Variants in ATF7IP observed in about 807,000 individuals in gnomAD.
The protein encoded by ATF7IP is activating transcription factor 7-interacting protein 1.
ATF7IP carries 23 observed loss-of-function variants against 106.4 expected under a neutral mutation model. The observed-to-expected ratio is 0.22, with a 90% confidence interval of 0.16 to 0.31. The LOEUF is 0.31. Ranked by LOEUF, ATF7IP falls within the 10% of genes least tolerant of loss-of-function variation. ATF7IP has a pLI of 1.00. For synonymous variants in ATF7IP, 542 were observed against 539.0 expected (o/e 1.01, Z -0.08); for missense variants, 1,334 against 1,524.3 (o/e 0.88, Z 2.08).
chr12:14,403,772 C>T (rs1940395885), intron 1 of ATF7IP, among the ~76,000 whole-genome samples: 1 of 152,196 alleles, frequency 6.6e-6, no homozygotes, highest in Non-Finnish European at 1.5e-5. Flanking sequence ...GCTTCTCTCT[C>T]TCCACCTCCT....
chr12:14,459,378 C>T (rs1165471061), intron 8 of ATF7IP, among the ~76,000 whole-genome samples: 2 of 152,154 alleles, frequency 1.3e-5, no homozygotes, highest in Non-Finnish European at 2.9e-5. Flanking sequence ...AACCCCTATT[C>T]AAAGGTTGAG....
chr12:14,403,008 A>T (rs1404703099), intron 1 of ATF7IP, among the ~76,000 whole-genome samples: 4 of 152,148 alleles, frequency 2.6e-5, no homozygotes, highest in Non-Finnish European at 4.4e-5. Context: ...TTTGTGTTTA[A>T]GAGAAATGTC....
chr12:14,490,721 G>A lies in ATF7IP; in HGVS notation c.3281-5510G>A, dbSNP rs575912610. On this transcript the variant is annotated intron_variant, in intron 13 of 14. Coordinates refer to ENST00000261168, the MANE Select transcript of ATF7IP (RefSeq NM_018179.5). ...ATTGGTGCAGGCTGGGGAAGACAAG[G>A]CAGGGTGTCAGAGGGGAGACACGGG... is the stretch of plus-strand genomic sequence containing the variant. Among the ~76,000 whole-genome samples, 12 of 152,264 alleles carry A rather than the reference G, an allele frequency of 7.9e-5. No homozygotes were observed. In the South Asian group the frequency reaches 2.5e-3, roughly 32 times the overall value.
chr12:14,416,101 G>A (rs1457625674), intron 1 of ATF7IP, among the ~76,000 whole-genome samples: 1 of 152,044 alleles, frequency 6.6e-6, no homozygotes, highest in African/African-American at 2.4e-5. Flanking sequence ...CATCTTTTGT[G>A]CAACCCACTA....
rs71530944 is a variant in ATF7IP, at chr12:14,460,697, A to G, written c.2361A>G (p.Val787=). The change falls in exon 9 of 15, where the codon GTA becomes GTG. Residue 787 remains valine, a synonymous_variant. Coordinates refer to ENST00000261168, the MANE Select transcript of ATF7IP (RefSeq NM_018179.5). ...AGCCTTTGCCAGTGATTTTGCATGT[A>G]CCTGTTGCAGTATCCTCCCAGCCTC... is the stretch of plus-strand genomic sequence containing the variant. ...SLQPLPVILH[V]PVAVSSQPQL... The G allele has an allele frequency of 1.5e-3, 2,421 of 1,614,166 alleles. 4 individuals carry two copies. Among genetic ancestry groups the G allele is most frequent in the Non-Finnish European group, 1.8e-3 (2,100 of 1,180,018 alleles).
At position 14,482,987 on chromosome 12, in the gene ATF7IP, G is replaced by A. The variant is rs114374885; in HGVS notation, c.3280+1802G>A. ...CTTATGTTACGTGATGAAGGAAAAG[G>A]AAATAAAGATATTTTCTTGTACAAG... On this transcript the variant is annotated intron_variant, in intron 13 of 14. Coordinates refer to ENST00000261168, the MANE Select transcript of ATF7IP (RefSeq NM_018179.5). Among the ~76,000 whole-genome samples the A allele has an allele frequency of 4.2e-3, 635 of 152,286 alleles. 6 individuals are homozygous for A. Among genetic ancestry groups the A allele is most frequent in the African/African-American group, 0.015 (611 of 41,566 alleles).
intron 2 of ATF7IP, among the ~76,000 whole-genome samples, chr12:14,427,414 GT>G (rs1941912551): frequency 6.6e-6 from 1 of 151,696 alleles, no homozygotes; most frequent in Admixed American, 6.6e-5. Context: ...CCCGGCTGGA[GT>G]GCAGTGGCAC....
intron 10 of ATF7IP, among the ~76,000 whole-genome samples, chr12:14,474,487 G>A (rs1214662230): frequency 4.7e-5 from 7 of 150,394 alleles, no homozygotes; most frequent in South Asian, 2.1e-4. Context: ...TGCAACGTCC[G>A]CCTCCCAGGT....
chr12:14,423,372 C>T (rs1265184596), intron 1 of ATF7IP, among the ~76,000 whole-genome samples: 1 of 151,602 alleles, frequency 6.6e-6, no homozygotes, highest in Non-Finnish European at 1.5e-5. Context: ...ATATTTTCTC[C>T]CATTGTTGTG....
At chr12:14,460,074 T>C (rs771160045) in intron 8 of ATF7IP, among the ~76,000 whole-genome samples, 39 of 152,232 alleles carry the variant, frequency 2.6e-4, no homozygotes, top group Admixed American at 1.3e-3. Flanking sequence ...TGACTCTTTT[T>C]AGATTTACTA....
chr12:14,428,946 T>C (rs1162721113), intron 2 of ATF7IP, among the ~76,000 whole-genome samples: 2 of 152,206 alleles, frequency 1.3e-5, no homozygotes, highest in East Asian at 3.8e-4. Flanking sequence ...ATTATTAAAA[T>C]GATAATCTGT....
intron 1 of ATF7IP, among the ~76,000 whole-genome samples, chr12:14,402,044 A>G (rs17402538): frequency 0.02 from 3,068 of 151,328 alleles, 34 homozygotes; most frequent in Middle Eastern, 0.031. Context: ...GTCATGCTAC[A>G]AAATATCTAG....
intron 1 of ATF7IP, among the ~76,000 whole-genome samples, chr12:14,417,643 G>C (rs1158938181): frequency 6.6e-6 from 1 of 152,068 alleles, no homozygotes; most frequent in East Asian, 1.9e-4. Context: ...TTATATTAAT[G>C]TATATTTCTT....
At chr12:14,375,523 A>G (rs1047243492) in intron 1 of ATF7IP, among the ~76,000 whole-genome samples, 3 of 152,182 alleles carry the variant, frequency 2.0e-5, no homozygotes, top group Non-Finnish European at 4.4e-5. Flanking sequence ...TGATTTAAAC[A>G]TTGAAAGATA....
At chr12:14,456,722 G>C in intron 7 of ATF7IP, 88 bp downstream of exon 7, 3 of 934,412 alleles carry the variant, frequency 3.2e-6, no homozygotes, top group Admixed American at 2.1e-5. Context: ...GTGTAATCAT[G>C]GTATTTATGT....
intron 11 of ATF7IP, among the ~76,000 whole-genome samples, chr12:14,477,446 G>A (rs1944297975): frequency 6.6e-6 from 1 of 152,052 alleles, no homozygotes; most frequent in Admixed American, 6.5e-5. Flanking sequence ...CTATTATAAT[G>A]GATCCCTAAA....
chr12:14,372,361 T>C (rs1276518644), intron 1 of ATF7IP, among the ~76,000 whole-genome samples: 1 of 151,846 alleles, frequency 6.6e-6, no homozygotes, highest in African/African-American at 2.4e-5. Flanking sequence ...TCAGGGCTAC[T>C]AGTGCTTGTT....
intron 6 of ATF7IP, among the ~76,000 whole-genome samples, chr12:14,449,171 C>T (rs1943100434): frequency 6.6e-6 from 1 of 151,898 alleles, no homozygotes; most frequent in Non-Finnish European, 1.5e-5. Context: ...TCTATTTTTG[C>T]TTTTCTTACC....
intron 1 of ATF7IP, chr12:14,369,103 C>G (rs1230001999): frequency 6.9e-6 from 1 of 145,286 alleles, no homozygotes; most frequent in Non-Finnish European, 1.5e-5. Flanking sequence ...GGATATCACA[C>G]CCCGCTAATT....
Sources: gnomAD v4.1 joint callset for allele counts (sites outside exome capture counted in the v4.1 genomes callset) on GRCh38, gnomAD v4.1.1 for gene constraint, MANE v1.5 for transcripts, NCBI Gene and HGNC (gene_info 2026-07-23, HGNC 2026-07-21) for gene names.